The following AP2A2 variants were observed in gnomAD, a reference collection of about 807,000 sequenced individuals.
AP2A2 encodes adaptor related protein complex 2 subunit alpha 2.
A neutral mutation model predicts 104.2 loss-of-function variants in AP2A2; 32 were observed. That is an observed-to-expected ratio of 0.31 (90% CI 0.23 to 0.41). AP2A2 has a LOEUF of 0.41. Among genes scored for constraint, AP2A2 ranks in the 10% least tolerant of loss-of-function variants. The probability of loss-of-function intolerance (pLI) is 1.00; values close to 1 mark genes in which losing one functional copy is unlikely to be tolerated. For synonymous variants in AP2A2, 539 were observed against 533.3 expected (o/e 1.01, Z -0.15); for missense variants, 912 against 1,261.0 (o/e 0.72, Z 4.19).
At chr11:1,006,389 T>G (rs766381445) in intron 16 of AP2A2, 139 bp from the exon 17 acceptor site, 2 of 675,514 alleles carry the variant, frequency 3.0e-6, no homozygotes, top group Non-Finnish European at 5.1e-6. Context: ...AATTTGTTCT[T>G]AATTTTAACA....
intron 5 of AP2A2, among the ~76,000 whole-genome samples, chr11:978,347 A>G (rs1277310350): frequency 6.6e-6 from 1 of 152,086 alleles, no homozygotes; most frequent in Non-Finnish European, 1.5e-5. Flanking sequence ...GGAAGTTTCC[A>G]TGGCCATGCA....
intron 18 of AP2A2, 92 bp from the exon 19 acceptor site, chr11:1,009,008 C>G (rs897849103): frequency 1.1e-5 from 12 of 1,052,548 alleles, no homozygotes; most frequent in South Asian, 1.0e-4. Flanking sequence ...GGCAGTAGAT[C>G]GGGACGCTTC....
chr11:984,734 G>A lies in AP2A2; in HGVS notation c.795G>A (p.Leu265=), dbSNP rs746039137. 1.2e-6 allele frequency: 2 copies of A among 1,612,450 alleles called. No homozygotes were observed. Among genetic ancestry groups the A allele is most frequent in the Admixed American group, 3.3e-5 (2 of 60,020 alleles). ...PWLSVKLLRL[L]QCYPPPDPAV... Reference sequence around the variant, plus strand: ...TGTCTGTCAAACTGCTGAGACTGCTGCAGTGCTACCCACCCCCAGGTAACG... The same window carrying A: ...TGTCTGTCAAACTGCTGAGACTGCTACAGTGCTACCCACCCCCAGGTAACG... Residue 265 remains leucine (L), a synonymous_variant, in exon 7 of 22, where the codon CTG becomes CTA. Transcript: ENST00000448903.
chr11:955,725 G>A (rs753819947), intron 1 of AP2A2, among the ~76,000 whole-genome samples: 1 of 152,184 alleles, frequency 6.6e-6, no homozygotes, highest in Admixed American at 6.5e-5. Flanking sequence ...GTGTTTGTTC[G>A]GTTCAGGAAA....
intron 1 of AP2A2, chr11:946,927 G>A (rs1006451495): frequency 6.6e-6 from 1 of 151,970 alleles, no homozygotes; most frequent in Non-Finnish European, 1.5e-5. Flanking sequence ...AAAGAACAAC[G>A]GTGAAGACAG....
chr11:968,357 T>G lies in AP2A2; in HGVS notation c.137-1812T>G, dbSNP rs1854692489. Among the ~76,000 whole-genome samples, 1 of 152,066 alleles carries G rather than the reference T, an allele frequency of 6.6e-6. No individual in the cohort carries two copies. The highest frequency in any genetic ancestry group is 2.4e-5 in the African/African-American group (1 of 41,408). On this transcript the variant is annotated intron_variant, in intron 2 of 21. Coordinates refer to ENST00000448903, the MANE Select transcript of AP2A2 (RefSeq NM_012305.4). The surrounding 1 kb of genome is among the most constrained non-coding windows in gnomAD (Gnocchi z 4.2). The stretch of plus-strand genomic sequence containing the variant: ...GCACCCGGGAGCTCTAGAGCAGCTC[T>G]TCGTCTGGGGTCCCGCGGGAGCAGA...
chr11:1,011,021 T>G lies in AP2A2; in HGVS notation c.*396T>G, dbSNP rs763345380. 1.5e-6 allele frequency: 1 copy of G among 671,002 alleles called. No individual in the cohort carries two copies. The highest frequency in any genetic ancestry group is 2.8e-6 in the Non-Finnish European group (1 of 359,578). The allele number at this position is 671,002 out of a possible 1,614,324, so 41.6% of individuals were successfully genotyped here. ...CTGGGAGCAGCAGTGCCACTGTGCA[T>G]GGCGTGGGCTGAGCCTTGGTGTGTG... On this transcript the variant is annotated 3_prime_UTR_variant, in exon 22 of 22. Transcript: ENST00000448903.
chr11:1,008,310 A>C lies in AP2A2; in HGVS notation c.2420+175A>C, dbSNP rs1469975031. 1.8e-5 allele frequency: 18 copies of C among 998,482 alleles called. 1 individual carries two copies. Among genetic ancestry groups the C allele is most frequent in the Non-Finnish European group, 2.5e-5 (18 of 725,436 alleles). The allele number at this position is 998,482 out of a possible 1,614,324, so 61.9% of individuals were successfully genotyped here. A position where few individuals can be genotyped will look rare whatever the true frequency, so the allele number is the denominator to read the frequency against. ...GCCCCCGGCTCTGCAGAGCGCAGGA[A>C]ACAAGGGGAGGCGGAGCCCTGGGCT... On this transcript the variant is annotated intron_variant, in intron 18 of 21. Transcript: ENST00000448903.
At chr11:926,631 T>C (rs1319263896) in intron 1 of AP2A2, among the ~76,000 whole-genome samples, 2 of 152,188 alleles carry the variant, frequency 1.3e-5, no homozygotes, top group Non-Finnish European at 2.9e-5. Context: ...GAAATCAGTG[T>C]CTTCCCAGGA....
At chr11:983,441 G>GGT (rs1564808234) in intron 6 of AP2A2, among the ~76,000 whole-genome samples, 6 of 151,504 alleles carry the variant, frequency 4.0e-5, no homozygotes, top group South Asian at 2.1e-4. Flanking sequence ...GGAGTGCAGT[G>GGT]GCACGATCTT....
In AP2A2 at chr11:1,010,528, T is replaced by A. The variant is rs373071219; in HGVS notation, c.2743-20T>A. ...GTGAGCCTCGGCGTGCCCGTTGACC[T>A]GCTGTGCTCTCTGTTTCAGATGTAC... On this transcript the variant is annotated intron_variant, in intron 21 of 21. Coordinates refer to ENST00000448903, the MANE Select transcript of AP2A2 (RefSeq NM_012305.4). The A allele has an allele frequency of 6.4e-7, 1 of 1,572,302 alleles. No individual in the cohort carries two copies. Among genetic ancestry groups the A allele is most frequent in the East Asian group, 2.3e-5 (1 of 42,966 alleles).
intron 5 of AP2A2, among the ~76,000 whole-genome samples, chr11:980,953 C>T (rs1484767847): frequency 2.6e-5 from 4 of 152,190 alleles, no homozygotes; most frequent in Admixed American, 2.6e-4. Context: ...TCTGGCTCTT[C>T]GATGCTGGCA....
chr11:1,000,007 C>A (rs1419210227), intron 14 of AP2A2, among the ~76,000 whole-genome samples: 1 of 151,616 alleles, frequency 6.6e-6, no homozygotes, highest in African/African-American at 2.4e-5. Context: ...GGGGTTTCAC[C>A]GTGTTAGCCA....
At chr11:938,541 C>T (rs182197224) in intron 1 of AP2A2, among the ~76,000 whole-genome samples, 1 of 150,546 alleles carries the variant, frequency 6.6e-6, no homozygotes, top group Non-Finnish European at 1.5e-5. Context: ...GTGGCGCGAT[C>T]TTGGCTCACT....
Position 992,409 on chromosome 11 carries a change from C to T in AP2A2, c.1270-94C>T. On this transcript the variant is annotated intron_variant, in intron 10 of 21. Coordinates refer to ENST00000448903, the MANE Select transcript of AP2A2 (RefSeq NM_012305.4). The surrounding 1 kb of genome is among the most constrained non-coding windows in gnomAD (Gnocchi z 6.4). ...AAACTTTTGTAGACACATTGAGGTG[C>T]TTCTGAAACTCTCACTTTGACTTTG... 1 of 1,306,484 alleles carries T rather than the reference C, an allele frequency of 7.7e-7. No individual in the cohort carries two copies. The highest frequency in any genetic ancestry group is 1.3e-5 in the South Asian group (1 of 78,992). The allele number at this position is 1,306,484 out of a possible 1,614,324, so 80.9% of individuals were successfully genotyped here. A position where few individuals can be genotyped will look rare whatever the true frequency, so the allele number is the denominator to read the frequency against.
At chr11:969,416 A>G (rs1478783436) in intron 2 of AP2A2, among the ~76,000 whole-genome samples, 1 of 151,532 alleles carries the variant, frequency 6.6e-6, no homozygotes, top group African/African-American at 2.4e-5. Context: ...TTTACTAGAG[A>G]TGGTGTTTCT....
In AP2A2 at chr11:993,711, G is replaced by T; in HGVS notation, c.1551-43G>T. On this transcript the variant is annotated intron_variant, in intron 12 of 21. Transcript: ENST00000448903. The surrounding 1 kb of genome is among the most constrained non-coding windows in gnomAD (Gnocchi z 8.2). Reference sequence around the variant, plus strand: ...CCCGCGGGGGCGTGCTGCAGCCTGCGAGGGGACGACGGTGTCCCTGTGTTG... The same window carrying T: ...CCCGCGGGGGCGTGCTGCAGCCTGCTAGGGGACGACGGTGTCCCTGTGTTG... 2 of 1,481,236 alleles carry T rather than the reference G, an allele frequency of 1.4e-6. No individual in the cohort carries two copies. The highest frequency in any genetic ancestry group is 1.2e-5 in the South Asian group (1 of 81,392). 91.8% of individuals were successfully genotyped at this position (1,481,236 alleles called of 1,614,324 possible).
intron 14 of AP2A2, among the ~76,000 whole-genome samples, chr11:999,882 C>A (rs978502191): frequency 2.0e-5 from 3 of 149,992 alleles, no homozygotes; most frequent in African/African-American, 7.4e-5. Flanking sequence ...CGGCTCACTG[C>A]AAGCTCCGCC....
intron 1 of AP2A2, among the ~76,000 whole-genome samples, chr11:944,740 G>C (rs1480025149): frequency 1.3e-5 from 2 of 152,168 alleles, no homozygotes; most frequent in African/African-American, 4.8e-5. Context: ...GTAGAAGTTA[G>C]TGGGGAGGGC....
Sources: gnomAD v4.1 joint callset for allele counts (sites outside exome capture counted in the v4.1 genomes callset) on GRCh38, gnomAD v4.1.1 for gene constraint, Gnocchi (gnomAD v3.1) non-coding constraint, MANE v1.5 for transcripts, NCBI Gene and HGNC (gene_info 2026-07-23, HGNC 2026-07-21) for gene names.